Variants in CDH12 observed in about 807,000 individuals in gnomAD.
CDH12 encodes the protein cadherin-12.
A neutral mutation model predicts 74.1 loss-of-function variants in CDH12; 41 were observed. The observed-to-expected ratio is 0.55, with a 90% CI of 0.43 to 0.72. The LOEUF (loss-of-function observed/expected upper bound fraction) is 0.72. Among genes scored for constraint, CDH12 ranks in the 30% least tolerant of loss-of-function variants. CDH12 has a pLI of 0.00. For synonymous variants in CDH12, 399 were observed against 355.0 expected, an observed-to-expected ratio of 1.12 and a Z score of -1.39; for missense variants, 945 against 977.2, an observed-to-expected ratio of 0.97 and a Z score of 0.44.
At position 21,906,455 on chromosome 5, in the gene CDH12, C is replaced by T. The variant is rs1001083792; in HGVS notation, c.527-51665G>A. On this transcript the variant is annotated intron_variant, in intron 6 of 14. Coordinates refer to ENST00000382254, the MANE Select transcript of CDH12 (RefSeq NM_004061.5). ...GAAATATCTAGACAACTCCGAAATT[C>T]CTCTTGCCACATTACTCTTAAGGGA... 1.2e-4 allele frequency among the ~76,000 whole-genome samples: 19 copies of T among 152,292 alleles called. 1 individual carries two copies. The highest frequency in any genetic ancestry group is 4.3e-4 in the African/African-American group (18 of 41,556).
At chr5:22,182,544 G>A (rs1749703434) in intron 4 of CDH12, among the ~76,000 whole-genome samples, 1 of 152,114 alleles carries the variant, frequency 6.6e-6, no homozygotes, top group Admixed American at 6.5e-5. Flanking sequence ...TATGCAGGGT[G>A]GGAGCACAGT....
intron 6 of CDH12, among the ~76,000 whole-genome samples, chr5:21,880,605 T>TCTCTCTCTC (rs1752242597): frequency 2.6e-5 from 2 of 77,140 alleles, no homozygotes; most frequent in African/African-American, 9.8e-5. Context: ...CCTTCCTTCC[T>TCTCTCTCTC]TCCTTCCTTC....
At chr5:22,242,960 CT>C (rs898629318) in intron 3 of CDH12, among the ~76,000 whole-genome samples, 11 of 151,806 alleles carry the variant, frequency 7.2e-5, no homozygotes, top group African/African-American at 2.7e-4. Flanking sequence ...CCCATCCCCG[CT>C]TTTTTTTAAT....
In CDH12 at chr5:22,463,698, TATTA is replaced by T. The variant is rs570261025; in HGVS notation, c.-428+41568_-428+41571del. Among the ~76,000 whole-genome samples, 11 of 152,312 alleles carry T rather than the reference TATTA, an allele frequency of 7.2e-5. No homozygotes were observed. In the South Asian group the frequency reaches 2.3e-3, roughly 32 times the overall value. On this transcript the variant is annotated intron_variant, in intron 2 of 14. Coordinates refer to ENST00000382254, the MANE Select transcript of CDH12 (RefSeq NM_004061.5). ...AACTGAAGTCTTTTAATTATAAATCTATTAATTAAAGTATTCATTAATTTATGAA... is the reference window on the plus strand; with the variant it reads ...AACTGAAGTCTTTTAATTATAAATCTATTAAAGTATTCATTAATTTATGAA...
At chr5:22,292,679 T>G (rs548880780) in intron 3 of CDH12, among the ~76,000 whole-genome samples, 1 of 151,796 alleles carries the variant, frequency 6.6e-6, no homozygotes, top group South Asian at 2.1e-4. Flanking sequence ...AAAACTTGCT[T>G]AACACCATTA....
chr5:22,666,771 T>G (rs1740646362), intron 1 of CDH12, among the ~76,000 whole-genome samples: 1 of 152,166 alleles, frequency 6.6e-6, no homozygotes, highest in African/African-American at 2.4e-5. Context: ...CTATAATCCT[T>G]CAATGGCAAA....
chr5:22,784,238 G>A (rs1202069758), intron 1 of CDH12, among the ~76,000 whole-genome samples: 1 of 151,904 alleles, frequency 6.6e-6, no homozygotes, highest in Non-Finnish European at 1.5e-5. Context: ...TACAAATAAT[G>A]TTATATCACT....
At chr5:22,460,732 T>TTTTTTTTTTTTTTTTTTTTTTC in intron 2 of CDH12, among the ~76,000 whole-genome samples, 1 of 146,634 alleles carries the variant, frequency 6.8e-6, no homozygotes, top group African/African-American at 2.5e-5. Context: ...TTTTTTTTTT[T>TTTTTTTTTTTTTTTTTTTTTTC]TTTTTTAGAC....
At chr5:22,401,705 T>C (rs1742736865) in intron 3 of CDH12, among the ~76,000 whole-genome samples, 1 of 152,134 alleles carries the variant, frequency 6.6e-6, no homozygotes, top group Non-Finnish European at 1.5e-5. Flanking sequence ...GAGGGTGACA[T>C]TATTTCAGAC....
At position 22,169,198 on chromosome 5, in the gene CDH12, CT is replaced by C. The variant is rs372132613; in HGVS notation, c.-187+43299del. On this transcript the variant is annotated intron_variant, in intron 4 of 14. Coordinates refer to ENST00000382254, the MANE Select transcript of CDH12 (RefSeq NM_004061.5). ...GTTTTCTTTTGGTTTGTCTTTCTGT[CT>C]TTTTTTTTCACTTTATCCTCTTCTA... Among the ~76,000 whole-genome samples, 11 of 150,264 alleles carry C rather than the reference CT, an allele frequency of 7.3e-5. No homozygotes were observed. The East Asian group carries it at 7.8e-4, about 11-fold the overall frequency.
At chr5:22,735,209 C>T (rs1050364202) in intron 1 of CDH12, among the ~76,000 whole-genome samples, 6 of 151,778 alleles carry the variant, frequency 4.0e-5, no homozygotes, top group Non-Finnish European at 7.4e-5. Flanking sequence ...TATGTGTAGC[C>T]GTACATTAAA....
intron 1 of CDH12, among the ~76,000 whole-genome samples, chr5:22,835,089 T>C (rs1053814687): frequency 1.3e-5 from 2 of 152,110 alleles, no homozygotes; most frequent in African/African-American, 2.4e-5. Context: ...ATGAGAAGGA[T>C]TTCGAAGATG....
chr5:22,298,269 G>T (rs984969368), intron 3 of CDH12, among the ~76,000 whole-genome samples: 6 of 150,862 alleles, frequency 4.0e-5, no homozygotes, highest in Non-Finnish European at 8.9e-5. Flanking sequence ...TATATATATA[G>T]CACTTATTTA....
intron 3 of CDH12, among the ~76,000 whole-genome samples, chr5:22,243,247 T>C (rs1047068890): frequency 5.3e-5 from 8 of 152,100 alleles, no homozygotes; most frequent in Non-Finnish European, 2.9e-5. Context: ...ATAATGAATA[T>C]TTCAATGGAA....
intron 4 of CDH12, among the ~76,000 whole-genome samples, chr5:22,183,686 A>G (rs192460911): frequency 6.6e-6 from 1 of 152,308 alleles, no homozygotes; most frequent in East Asian, 1.9e-4. Flanking sequence ...GGGCAACTGT[A>G]GGTACTACTG....
At chr5:21,936,012 T>C (rs531025270) in intron 6 of CDH12, among the ~76,000 whole-genome samples, 3 of 152,284 alleles carry the variant, frequency 2.0e-5, no homozygotes, top group African/African-American at 4.8e-5. Context: ...ATGCTTAGGT[T>C]GATTCCAAAT....
intron 1 of CDH12, among the ~76,000 whole-genome samples, chr5:22,836,221 C>CTTTTTTTTTT (rs1561065927): frequency 3.8e-4 from 5 of 13,274 alleles, no homozygotes; most frequent in South Asian, 3.6e-3. Flanking sequence ...TTCTTTCTTT[C>CTTTTTTTTTT]TCTTTTTTTT....
chr5:22,384,968 T>TA (rs1741937900), intron 3 of CDH12, among the ~76,000 whole-genome samples: 1 of 152,194 alleles, frequency 6.6e-6, no homozygotes, highest in South Asian at 2.1e-4. Context: ...TATGATTTGT[T>TA]ACAAAATAAA....
intron 1 of CDH12, among the ~76,000 whole-genome samples, chr5:22,605,829 C>T (rs965268512): frequency 2.0e-5 from 3 of 152,314 alleles, no homozygotes; most frequent in African/African-American, 4.8e-5. Flanking sequence ...CTTGGGCATT[C>T]GGAAGCAAAG....
Sources: allele counts gnomAD v4.1 joint callset (sites outside exome capture counted in the v4.1 genomes callset), GRCh38; gene constraint gnomAD v4.1.1; transcripts MANE v1.5; gene names NCBI Gene and HGNC (gene_info 2026-07-23, HGNC 2026-07-21).